Variants in FRMPD2 observed in about 807,000 individuals in gnomAD.
FRMPD2 encodes FERM and PDZ domain containing 2.
In FRMPD2, 96 loss-of-function variants were observed where a neutral mutation model predicts 140.1. The ratio of observed to expected loss-of-function variants is 0.69; its 90% CI spans 0.58 to 0.81. The LOEUF is 0.81. Among genes scored for constraint, FRMPD2 ranks in the 40% least tolerant of loss-of-function variants. FRMPD2 has a pLI of 0.00. For synonymous variants in FRMPD2, 449 were observed against 547.6 expected (o/e 0.82, Z 2.52); for missense variants, 1,240 against 1,447.4 (o/e 0.86, Z 2.32).
chr10:48,240,640 T>A (rs1840086230), intron 5 of FRMPD2, 148 bp from the exon 6 acceptor site: 2 of 1,088,038 alleles, frequency 1.8e-6, no homozygotes, highest in Non-Finnish European at 2.6e-6. Context: ...GCACCCAGAA[T>A]GTGCTCTGTG....
chr10:48,208,660 A>C (rs1839252697), intron 13 of FRMPD2, among the ~76,000 whole-genome samples: 1 of 152,198 alleles, frequency 6.6e-6, no homozygotes, highest in African/African-American at 2.4e-5. Flanking sequence ...CAATCTGTAA[A>C]ACAATAAAAT....
chr10:48,210,175 A>C (rs187626486), intron 13 of FRMPD2, among the ~76,000 whole-genome samples: 3 of 152,270 alleles, frequency 2.0e-5, no homozygotes, highest in African/African-American at 7.2e-5. Flanking sequence ...GAGGCTCCCA[A>C]TGTGCTCTGG....
chr10:48,215,359 A>G (rs1839420923), intron 12 of FRMPD2, among the ~76,000 whole-genome samples: 1 of 152,172 alleles, frequency 6.6e-6, no homozygotes, highest in Non-Finnish European at 1.5e-5. Flanking sequence ...GGCCTCACTC[A>G]ATGACCTTTG....
At chr10:48,207,354 G>C (rs1030688929) in intron 13 of FRMPD2, among the ~76,000 whole-genome samples, 1 of 151,940 alleles carries the variant, frequency 6.6e-6, no homozygotes, top group Admixed American at 6.6e-5. Context: ...ATCCCTTTAC[G>C]TGACAGATAG....
intron 10 of FRMPD2, among the ~76,000 whole-genome samples, chr10:48,223,514 G>A (rs903327367): frequency 1.3e-5 from 2 of 152,120 alleles, no homozygotes; most frequent in East Asian, 1.9e-4. Context: ...AGAAAATACC[G>A]TTAGTTATCT....
chr10:48,228,128 ATTT>A (rs944927178), intron 10 of FRMPD2, among the ~76,000 whole-genome samples: 7 of 152,104 alleles, frequency 4.6e-5, no homozygotes, highest in African/African-American at 1.4e-4. Context: ...CTTCTGTGGT[ATTT>A]TTTAATACTT....
intron 1 of FRMPD2, among the ~76,000 whole-genome samples, chr10:48,261,627 T>C (rs1018866210): frequency 4.6e-5 from 7 of 152,174 alleles, no homozygotes; most frequent in Non-Finnish European, 8.8e-5. Flanking sequence ...TGGTCACCAG[T>C]AGGCTTGCCT....
At chr10:48,190,567 C>G (rs981505278) in intron 16 of FRMPD2, among the ~76,000 whole-genome samples, 1 of 152,184 alleles carries the variant, frequency 6.6e-6, no homozygotes, top group East Asian at 1.9e-4. Flanking sequence ...AAAACATACC[C>G]GCACCCAAAC....
intron 1 of FRMPD2, among the ~76,000 whole-genome samples, chr10:48,252,540 C>A (rs758773197): frequency 6.6e-6 from 1 of 152,102 alleles, no homozygotes; most frequent in Non-Finnish European, 1.5e-5. Flanking sequence ...CACCCCCATC[C>A]CCCATTGACA....
intron 13 of FRMPD2, 92 bp downstream of exon 13, chr10:48,211,862 C>T (rs1839329842): frequency 7.7e-7 from 1 of 1,298,942 alleles, no homozygotes; most frequent in Admixed American, 2.2e-5. Context: ...TGGGTCTGCA[C>T]ACACCTGGGC....
At chr10:48,186,210 T>A (rs2131839689) in intron 17 of FRMPD2, among the ~76,000 whole-genome samples, 1 of 152,326 alleles carries the variant, frequency 6.6e-6, no homozygotes, top group South Asian at 2.1e-4. Context: ...AGTGGGGCAC[T>A]TCAGTGTGTG....
intron 4 of FRMPD2, 134 bp downstream of exon 4, chr10:48,244,650 C>T (rs747407143): frequency 4.9e-5 from 33 of 668,744 alleles, no homozygotes; most frequent in South Asian, 2.4e-4. Context: ...AAGTTCTCAA[C>T]GCCTGCCTAG....
At chr10:48,190,305 C>T (rs188644664) in intron 16 of FRMPD2, among the ~76,000 whole-genome samples, 2 of 152,158 alleles carry the variant, frequency 1.3e-5, no homozygotes, top group Non-Finnish European at 2.9e-5. Flanking sequence ...GTCTCCTCCA[C>T]CCCCACTATT....
At chr10:48,212,208 G>T in intron 12 of FRMPD2, 99 bp from the exon 13 acceptor site, 1 of 1,267,480 alleles carries the variant, frequency 7.9e-7, no homozygotes, top group Non-Finnish European at 1.1e-6. Context: ...TTCCAGGAGG[G>T]CGCCAGAGAA....
Position 48,238,122 on chromosome 10 carries a change from C to T in FRMPD2, c.790G>A (p.Ala264Thr), listed in dbSNP as rs145688226. 1.7e-5 allele frequency: 28 copies of T among 1,609,718 alleles called. No homozygotes were observed. Among genetic ancestry groups the T allele is most frequent in the South Asian group, 9.9e-5 (9 of 91,070 alleles). The change falls in exon 8 of 29, where the codon GCT (alanine) becomes ACT (threonine). Residue 264 changes from alanine to threonine, a missense_variant and splice_region_variant. Around this residue, in one of 6 missense-constraint regions of FRMPD2, gnomAD observed 1,161 missense variants for 1,055.9 expected, o/e 1.10. Transcript: ENST00000374201. Reference sequence around the variant, plus strand: ...TCCTGGGGATCTGCTCCTGGAAGAGCGCTGGCCAGGGGTTGAGAAGGGGTG... The same window carrying T: ...TCCTGGGGATCTGCTCCTGGAAGAGTGCTGGCCAGGGGTTGAGAAGGGGTG... The part of the protein sequence containing the change: ...HSHCSLLVNR[A>T]LPGADPQDQQ...
At chr10:48,207,345 T>C (rs184257814) in intron 13 of FRMPD2, among the ~76,000 whole-genome samples, 2 of 152,276 alleles carry the variant, frequency 1.3e-5, no homozygotes, top group Admixed American at 1.3e-4. Flanking sequence ...TCTGTTCCAA[T>C]CCCTTTACGT....
At chr10:48,210,733 C>T (rs1839300259) in intron 13 of FRMPD2, among the ~76,000 whole-genome samples, 2 of 152,266 alleles carry the variant, frequency 1.3e-5, no homozygotes, top group African/African-American at 4.8e-5. Context: ...TTGCAGGCTA[C>T]ACCATGTTAG....
intron 1 of FRMPD2, among the ~76,000 whole-genome samples, chr10:48,273,808 AGCTACAG>A (rs547134398): frequency 2.9e-3 from 440 of 152,288 alleles, no homozygotes; most frequent in African/African-American, 0.01. Flanking sequence ...AATTGGTTTC[AGCTACAG>A]CCTATAGCAA....
rs1838106254 is a variant in FRMPD2 at position 48,166,598 on chromosome 10, C to T, written c.3537+1997G>A. 2.6e-5 allele frequency among the ~76,000 whole-genome samples: 3 copies of T among 116,578 alleles called. No individual in the cohort carries two copies. In the South Asian group the frequency reaches 7.7e-4, roughly 30 times the overall value. The allele number at this position is 116,578 out of a possible 152,430, so 76.5% of individuals were successfully genotyped here. ...TCCACTTCTGCTTCATTAACGATGG[C>T]CCAAGCACACTTGTATTTTTGTCCC... On this transcript the variant is annotated intron_variant, in intron 27 of 28. Transcript: ENST00000374201.
Sources: allele counts gnomAD v4.1 joint callset (sites outside exome capture counted in the v4.1 genomes callset), GRCh38; gene constraint gnomAD v4.1.1; regional missense constraint gnomAD v4.1.1; transcripts MANE v1.5; gene names NCBI Gene and HGNC (gene_info 2026-07-23, HGNC 2026-07-21).